Variants in ECM2 observed in about 807,000 individuals in gnomAD.
The protein encoded by ECM2 is extracellular matrix protein 2.
A neutral mutation model predicts 67.5 loss-of-function variants in ECM2; 57 were observed. The observed-to-expected ratio is 0.84, with a 90% CI of 0.68 to 1.05. The LOEUF (loss-of-function observed/expected upper bound fraction) is 1.05, where lower values mean the gene tolerates loss of function less well. Ranked by LOEUF, ECM2 falls within the 50% of genes least tolerant of loss-of-function variation. ECM2 has a pLI of 0.00. For missense variants in ECM2, 741 were observed against 822.8 expected (o/e 0.90, Z 1.22); for synonymous variants, 258 against 294.5 (o/e 0.88, Z 1.27).
chr9:92,545,550 A>G, the ECM2 span, among the ~76,000 whole-genome samples: 1 of 152,158 alleles, frequency 6.6e-6, no homozygotes, highest in South Asian at 2.1e-4. Flanking sequence ...GGCCCCTTCA[A>G]GGCCCGAGCC....
intron 1 of ECM2, among the ~76,000 whole-genome samples, chr9:92,531,934 C>T (rs940844146): frequency 6.6e-6 from 1 of 151,554 alleles, no homozygotes; most frequent in African/African-American, 2.4e-5. Context: ...TTTCCCCCTA[C>T]ACTTTCATTT....
rs1454725118 is a variant in ECM2 at position 92,514,719 on chromosome 9, C to T, written c.966G>A (p.Leu322=). Residue 322 remains leucine (L), a synonymous_variant, in exon 4 of 10, where the codon CTG becomes CTA. Coordinates refer to ENST00000344604, the MANE Select transcript of ECM2 (RefSeq NM_001393.4). ...TGATGCAGCTGATGGTCCTGTAGGACAGAGAGCACCCGCTTGGCAGGCGCA... is the reference window on the plus strand; with the variant it reads ...TGATGCAGCTGATGGTCCTGTAGGATAGAGAGCACCCGCTTGGCAGGCGCA... ...GTLRLPSGCS[L]SYRTISCINA... is the part of the protein sequence containing the mutation. 2 of 1,607,684 alleles carry T rather than the reference C, an allele frequency of 1.2e-6. No individual in the cohort carries two copies. The highest frequency in any genetic ancestry group is 1.3e-5 in the African/African-American group (1 of 74,868).
intron 1 of ECM2, among the ~76,000 whole-genome samples, chr9:92,535,518 TTAAG>T (rs1202275468): frequency 6.6e-6 from 1 of 152,152 alleles, no homozygotes; most frequent in African/African-American, 2.4e-5. Flanking sequence ...ACCAGTTATC[TTAAG>T]TAAACTTTAA....
intron 6 of ECM2, among the ~76,000 whole-genome samples, chr9:92,506,555 C>G (rs994654521): frequency 2.0e-5 from 3 of 152,140 alleles, no homozygotes; most frequent in Admixed American, 6.5e-5. Context: ...CTATTCAACC[C>G]CCTTCATGGG....
In ECM2 at chr9:92,502,554, A is replaced by C. The variant is rs1846745901; in HGVS notation, c.1563T>G (p.Ile521Met). The C allele has an allele frequency of 6.2e-7, 1 of 1,612,696 alleles. No homozygotes were observed. The highest frequency in any genetic ancestry group is 8.5e-7 in the Non-Finnish European group (1 of 1,179,452). Residue 521 changes from isoleucine to methionine, a missense_variant, in exon 8 of 10, where the codon ATT (isoleucine) becomes ATG (methionine). Coordinates refer to ENST00000344604, the MANE Select transcript of ECM2 (RefSeq NM_001393.4). ...CTAAAGGAGCAATCCTATTTTCTTCAATTTTGTTATAACGTAGTACAATGA... is the reference window on the plus strand; with the variant it reads ...CTAAAGGAGCAATCCTATTTTCTTCCATTTTGTTATAACGTAGTACAATGA... ...INVIVLRYNK[I>M]EENRIAPLAW... is the part of the protein sequence containing the mutation.
chr9:92,503,719 CTT>C (rs1233840628), intron 7 of ECM2, among the ~76,000 whole-genome samples: 7 of 152,170 alleles, frequency 4.6e-5, no homozygotes, highest in African/African-American at 1.7e-4. Flanking sequence ...GAATTTCCCT[CTT>C]TGTTAATTTT....
intron 6 of ECM2, among the ~76,000 whole-genome samples, chr9:92,509,420 A>G (rs1179632077): frequency 6.6e-6 from 1 of 152,198 alleles, no homozygotes; most frequent in Non-Finnish European, 1.5e-5. Flanking sequence ...AGGTTCCAAC[A>G]CATGATAAAT....
At chr9:92,505,502 C>A in intron 7 of ECM2, 31 bp downstream of exon 7, 1 of 1,529,646 alleles carries the variant, frequency 6.5e-7, no homozygotes, top group Admixed American at 2.1e-5. Context: ...AAATATAATA[C>A]ATTTAAAACA....
At chr9:92,508,471 A>G (rs1181447197) in intron 6 of ECM2, among the ~76,000 whole-genome samples, 2 of 152,212 alleles carry the variant, frequency 1.3e-5, no homozygotes, top group Non-Finnish European at 2.9e-5. Context: ...CACGTTCACA[A>G]TCAGGAGTGC....
At chr9:92,553,511 C>T in the ECM2 span, among the ~76,000 whole-genome samples, 1 of 152,068 alleles carries the variant, frequency 6.6e-6, no homozygotes, top group Non-Finnish European at 1.5e-5. Context: ...TGATCATTTC[C>T]ACAATATTGA....
the ECM2 span, among the ~76,000 whole-genome samples, chr9:92,546,395 A>C: frequency 1.3e-5 from 2 of 151,816 alleles, no homozygotes; most frequent in Non-Finnish European, 2.9e-5. Context: ...GCTGCTGCTC[A>C]CTCTTTGGGT....
At chr9:92,502,382 AC>A (rs1212942102) in intron 8 of ECM2, 130 bp downstream of exon 8, 3 of 1,164,684 alleles carry the variant, frequency 2.6e-6, no homozygotes, top group Non-Finnish European at 3.7e-6. Context: ...TCACTAAGAA[AC>A]GATTCTGTCT....
At chr9:92,536,298 C>T (rs1237751850), upstream of ECM2, among the ~76,000 whole-genome samples, 1 of 152,116 alleles carries the variant, frequency 6.6e-6, no homozygotes, top group African/African-American at 2.4e-5. Context: ...CTGTGGTTTT[C>T]ATAGACTATT....
At chr9:92,557,524 TC>T in the ECM2 span, among the ~76,000 whole-genome samples, 1 of 152,234 alleles carries the variant, frequency 6.6e-6, no homozygotes, top group Non-Finnish European at 1.5e-5. Context: ...ATTTTCTTAT[TC>T]TTTTTTCTCT....
the ECM2 span, among the ~76,000 whole-genome samples, chr9:92,552,012 A>ATG: frequency 1.4e-5 from 2 of 145,692 alleles, no homozygotes; most frequent in African/African-American, 2.5e-5. Context: ...GTGTATATAT[A>ATG]TGATATGATA....
chr9:92,521,418 A>G (rs903397067), intron 2 of ECM2, among the ~76,000 whole-genome samples: 6 of 152,220 alleles, frequency 3.9e-5, no homozygotes, highest in African/African-American at 1.2e-4. Context: ...TCTTTTCCCA[A>G]TCATGTTGTA....
At chr9:92,509,819 A>G in intron 6 of ECM2, 80 bp downstream of exon 6, 2 of 1,397,054 alleles carry the variant, frequency 1.4e-6, no homozygotes, top group Non-Finnish European at 1.9e-6. Context: ...TCATTTGGCA[A>G]TACAGTAAAT....
chr9:92,515,763 TAGAG>T (rs1183659056), intron 3 of ECM2, among the ~76,000 whole-genome samples: 5 of 152,222 alleles, frequency 3.3e-5, no homozygotes, highest in African/African-American at 1.2e-4. Flanking sequence ...TTCAGAATTA[TAGAG>T]AGAGAGTTTT....
intron 1 of ECM2, among the ~76,000 whole-genome samples, chr9:92,523,960 C>A (rs1848232422): frequency 6.6e-6 from 1 of 152,214 alleles, no homozygotes; most frequent in Admixed American, 6.5e-5. Context: ...TCCCCAACAA[C>A]AATTTGTAAA....
Sources: allele counts gnomAD v4.1 joint callset (sites outside exome capture counted in the v4.1 genomes callset), GRCh38; gene constraint gnomAD v4.1.1; transcripts MANE v1.5; gene names NCBI Gene and HGNC (gene_info 2026-07-23, HGNC 2026-07-21).